The following HHAT variants were observed in gnomAD, a reference collection of about 807,000 sequenced individuals.
The protein encoded by HHAT is protein-cysteine N-palmitoyltransferase HHAT.
HHAT carries 47 observed loss-of-function variants against 70.8 expected under a neutral mutation model. The observed-to-expected ratio is 0.66, with a 90% CI of 0.53 to 0.85. The LOEUF (loss-of-function observed/expected upper bound fraction) is 0.85, where lower values mean the gene tolerates loss of function less well. Ranked by LOEUF, HHAT falls within the 40% of genes least tolerant of loss-of-function variation. HHAT has a pLI of 0.00. For missense variants in HHAT, 609 were observed against 604.8 expected (o/e 1.01, Z -0.07); for synonymous variants, 228 against 247.6 (o/e 0.92, Z 0.74).
chr1:210,374,909 GT>G (rs1233114451), intron 3 of HHAT, among the ~76,000 whole-genome samples: 1 of 151,900 alleles, frequency 6.6e-6, no homozygotes, highest in Non-Finnish European at 1.5e-5. Flanking sequence ...GTACCCAGTA[GT>G]TAGTTTTTCA....
In HHAT at chr1:210,580,979, C is replaced by T. The variant is rs1361276709; in HGVS notation, c.1044-6919C>T. On this transcript the variant is annotated intron_variant, in intron 9 of 11. Transcript: ENST00000261458. ...CATTCCTCTTTCTCCACAGCCTCATCAGCATCTATTGTTTCCTGACTTTTT... is the reference window on the plus strand; with the variant it reads ...CATTCCTCTTTCTCCACAGCCTCATTAGCATCTATTGTTTCCTGACTTTTT... Among the ~76,000 whole-genome samples the T allele has an allele frequency of 2.0e-5, 3 of 152,290 alleles. No homozygotes were observed. In the East Asian group the frequency reaches 5.8e-4, roughly 29 times the overall value.
In HHAT at chr1:210,328,946, C is replaced by G. The variant is rs1368972610; in HGVS notation, c.-202C>G. 6.9e-6 allele frequency: 8 copies of G among 1,166,478 alleles called. No individual in the cohort carries two copies. Among genetic ancestry groups the G allele is most frequent in the Non-Finnish European group, 8.8e-6 (8 of 910,276 alleles). The allele number at this position is 1,166,478 out of a possible 1,614,324, so 72.3% of individuals were successfully genotyped here. A position where few individuals can be genotyped will look rare whatever the true frequency, so the allele number is the denominator to read the frequency against. ...TGCTCGGAGGACGCGCGCTGCGCTG[C>G]TCCTCCAAAGGGCAGCTCCGGGGGA... On this transcript the variant is annotated 5_prime_UTR_variant, in exon 1 of 12. Coordinates refer to ENST00000261458, the MANE Select transcript of HHAT (RefSeq NM_018194.6).
chr1:210,352,912 A>G (rs2147986985), intron 2 of HHAT, among the ~76,000 whole-genome samples: 1 of 151,514 alleles, frequency 6.6e-6, no homozygotes, highest in East Asian at 1.9e-4. Context: ...AGTAGACATA[A>G]AACTTTTTGT....
At chr1:210,606,682 G>A (rs1048716278) in intron 10 of HHAT, among the ~76,000 whole-genome samples, 3 of 151,972 alleles carry the variant, frequency 2.0e-5, no homozygotes, top group Non-Finnish European at 4.4e-5. Flanking sequence ...CCTTGATTTG[G>A]TGGAGGACAT....
At chr1:210,568,550 T>G (rs1655331287) in intron 9 of HHAT, among the ~76,000 whole-genome samples, 1 of 152,136 alleles carries the variant, frequency 6.6e-6, no homozygotes, top group Non-Finnish European at 1.5e-5. Context: ...AAGCTGAGAT[T>G]TATTGAAAAT....
intron 3 of HHAT, among the ~76,000 whole-genome samples, chr1:210,371,262 G>A (rs570746062): frequency 3.9e-5 from 6 of 151,958 alleles, no homozygotes; most frequent in African/African-American, 1.2e-4. Context: ...AGCGATTCTC[G>A]TGCCTCAGCC....
intron 4 of HHAT, 109 bp downstream of exon 4, chr1:210,387,690 G>A: frequency 1.3e-6 from 1 of 744,660 alleles, no homozygotes; most frequent in South Asian, 1.7e-5. Flanking sequence ...CTGGGAGCCT[G>A]GAAAAAATGA....
intron 9 of HHAT, among the ~76,000 whole-genome samples, chr1:210,573,436 A>G (rs563516070): frequency 1.3e-5 from 2 of 152,262 alleles, no homozygotes; most frequent in Admixed American, 1.3e-4. Context: ...AACCCAAGTA[A>G]TCCAGCACAA....
chr1:210,488,483 G>A (rs1204522944), intron 8 of HHAT, among the ~76,000 whole-genome samples: 1 of 152,208 alleles, frequency 6.6e-6, no homozygotes, highest in African/African-American at 2.4e-5. Context: ...GAAGTTCCAT[G>A]AGAATGAAGA....
intron 6 of HHAT, among the ~76,000 whole-genome samples, chr1:210,409,041 AC>A (rs2092435476): frequency 6.6e-6 from 1 of 152,002 alleles, no homozygotes; most frequent in African/African-American, 2.4e-5. Context: ...TTTTAAAAAT[AC>A]TTTTCTAGAG....
chr1:210,418,306 T>C lies in HHAT; in HGVS notation c.837T>C (p.Thr279=). Residue 279 remains threonine, a synonymous_variant, in exon 7 of 12, where the codon ACT becomes ACC. Coordinates refer to ENST00000261458, the MANE Select transcript of HHAT (RefSeq NM_018194.6). ...ACAGCAGCATCCCCCTCCTGGAGAC[T>C]GTCTCTTGTTGGACCTTAGGTAATT... ...AIYSSIPLLE[T]VSCWTLGGLA... 6.3e-7 allele frequency: 1 copy of C among 1,597,388 alleles called. No homozygotes were observed. The highest frequency in any genetic ancestry group is 8.5e-7 in the Non-Finnish European group (1 of 1,171,192).
chr1:210,544,253 T>C (rs965362717), intron 9 of HHAT, among the ~76,000 whole-genome samples: 6 of 152,224 alleles, frequency 3.9e-5, no homozygotes, highest in Admixed American at 2.6e-4. Context: ...TAGTGACTTT[T>C]GACTATATGG....
chr1:210,377,640 T>A (rs1039434641), intron 3 of HHAT, among the ~76,000 whole-genome samples: 2 of 152,222 alleles, frequency 1.3e-5, no homozygotes, highest in Admixed American at 6.5e-5. Flanking sequence ...AGGTTGGCAG[T>A]TGGGCTGAAG....
chr1:210,579,444 T>C lies in HHAT; in HGVS notation c.1044-8454T>C, dbSNP rs189380529. Among the ~76,000 whole-genome samples the C allele has an allele frequency of 6.2e-4, 95 of 152,286 alleles. 1 individual carries two copies. The highest frequency in any genetic ancestry group is 1.0e-3 in the Non-Finnish European group (69 of 68,032). ...GATCCACTGGCTAGCATTGTGCCTATAGTTAACGATACTGTATTATATACT... is the reference window on the plus strand; with the variant it reads ...GATCCACTGGCTAGCATTGTGCCTACAGTTAACGATACTGTATTATATACT... On this transcript the variant is annotated intron_variant, in intron 9 of 11. Transcript: ENST00000261458.
intron 3 of HHAT, among the ~76,000 whole-genome samples, chr1:210,381,826 G>A (rs531405904): frequency 6.6e-6 from 1 of 152,148 alleles, no homozygotes; most frequent in Admixed American, 6.6e-5. Context: ...AAGAACTGGT[G>A]GACTGAGCTA....
chr1:210,671,213 A>G (rs543167299), intron 11 of HHAT, among the ~76,000 whole-genome samples: 53 of 152,170 alleles, frequency 3.5e-4, no homozygotes, highest in Non-Finnish European at 6.6e-4. Context: ...TCTGGGCTCC[A>G]TGTTTACCAA....
chr1:210,632,057 A>C (rs1329369759), intron 11 of HHAT, among the ~76,000 whole-genome samples: 2 of 151,668 alleles, frequency 1.3e-5, no homozygotes, highest in Non-Finnish European at 2.9e-5. Flanking sequence ...TACTAACCTA[A>C]CTCTCCCAGC....
intron 11 of HHAT, among the ~76,000 whole-genome samples, chr1:210,638,931 A>C (rs1306146598): frequency 3.3e-5 from 5 of 151,710 alleles, no homozygotes; most frequent in Non-Finnish European, 7.4e-5. Context: ...AAAATTAAAA[A>C]CAAAAATGAT....
At chr1:210,490,918 A>G (rs2094540639) in intron 8 of HHAT, among the ~76,000 whole-genome samples, 1 of 152,200 alleles carries the variant, frequency 6.6e-6, no homozygotes, top group Non-Finnish European at 1.5e-5. Context: ...CAGAAGACAA[A>G]AATAACACAT....
Sources: allele counts gnomAD v4.1 joint callset (sites outside exome capture counted in the v4.1 genomes callset), GRCh38; gene constraint gnomAD v4.1.1; transcripts MANE v1.5; gene names NCBI Gene and HGNC (gene_info 2026-07-23, HGNC 2026-07-21).